ADNP2: variants seen among roughly 807,000 people sequenced by gnomAD.
The protein encoded by ADNP2 is activity-dependent neuroprotector homeobox protein 2.
Under a neutral mutation model 16.4 loss-of-function variants are expected in ADNP2, and 8 were observed. That is an observed-to-expected ratio of 0.49 (90% CI 0.29 to 0.88). The LOEUF is 0.88. Ranked by LOEUF, ADNP2 falls within the 40% of genes least tolerant of loss-of-function variation. ADNP2 has a pLI of 0.09. For synonymous variants in ADNP2, 637 were observed against 545.8 expected, an observed-to-expected ratio of 1.17 and a Z score of -2.33; for missense variants, 1,397 against 1,395.1, an observed-to-expected ratio of 1.00 and a Z score of -0.02.
chr18:80,119,414 A>T (rs2052410072), intron 2 of ADNP2, among the ~76,000 whole-genome samples: 1 of 24,596 alleles, frequency 4.1e-5, no homozygotes, highest in Non-Finnish European at 1.7e-4. Flanking sequence ...ACTCCGTCTC[A>T]AAAAAAAAAA....
intron 1 of ADNP2, among the ~76,000 whole-genome samples, chr18:80,114,166 C>T (rs978471631): frequency 6.8e-6 from 1 of 147,256 alleles, no homozygotes; most frequent in African/African-American, 2.5e-5. Context: ...ATACTCCAGC[C>T]TGGGTGAAGG....
At chr18:80,129,095 CTTTTTTTTTGT>C (rs149607713) in intron 2 of ADNP2, among the ~76,000 whole-genome samples, 21,691 of 132,102 alleles carry the variant, frequency 0.16, 2,307 homozygotes, top group East Asian at 0.47. Flanking sequence ...TTACCCAGAA[CTTTTTTTTTGT>C]TTTTTTTTTT....
Position 80,138,785 on chromosome 18 carries a change from ATTGAACT to A in ADNP2, c.3378_3384del (p.Phe1127MetfsTer12). 6.4e-7 allele frequency: 1 copy of A among 1,551,102 alleles called. No individual in the cohort carries two copies. The highest frequency in any genetic ancestry group is 8.7e-7 in the Non-Finnish European group (1 of 1,155,368). ...CTGAACTTAAAAATGTGAAACATAG[ATTGAACT>A]TTGAATATGAACCATAAAACTTGCA... On this transcript the variant is annotated frameshift_variant, in exon 4 of 4. Coordinates refer to ENST00000262198, the MANE Select transcript of ADNP2 (RefSeq NM_014913.4). LOFTEE classifies it high-confidence loss of function.
intron 2 of ADNP2, among the ~76,000 whole-genome samples, chr18:80,125,360 T>C (rs1395718686): frequency 6.6e-6 from 1 of 151,912 alleles, no homozygotes; most frequent in Non-Finnish European, 1.5e-5. Flanking sequence ...AAATAATAAA[T>C]AGGCCGGGGG....
chr18:80,121,659 G>T (rs2052425672), intron 2 of ADNP2, among the ~76,000 whole-genome samples: 1 of 152,108 alleles, frequency 6.6e-6, no homozygotes, highest in Non-Finnish European at 1.5e-5. Flanking sequence ...GAGTTTTATG[G>T]TTGTAGTTCT....
intron 2 of ADNP2, among the ~76,000 whole-genome samples, chr18:80,121,254 G>C (rs2052423095): frequency 6.6e-6 from 1 of 151,864 alleles, no homozygotes; most frequent in Non-Finnish European, 1.5e-5. Context: ...GTGTAAAGTG[G>C]AATCTCATGG....
chr18:80,114,140 C>T, intron 1 of ADNP2, among the ~76,000 whole-genome samples: 1 of 149,424 alleles, frequency 6.7e-6, no homozygotes, highest in Non-Finnish European at 1.5e-5. Context: ...CTGCAGTGAG[C>T]TGTAATCAAG....
intron 1 of ADNP2, 197 bp downstream of exon 1, chr18:80,109,669 C>G (rs2052344116): frequency 6.7e-6 from 1 of 149,992 alleles, no homozygotes; most frequent in South Asian, 2.0e-4. Flanking sequence ...GTTCGCGGCC[C>G]GAACGGCGCC....
intron 2 of ADNP2, among the ~76,000 whole-genome samples, chr18:80,118,241 A>G (rs2052401935): frequency 6.6e-6 from 1 of 152,164 alleles, no homozygotes; most frequent in Non-Finnish European, 1.5e-5. Flanking sequence ...CCTGGCCAAC[A>G]ACATGGTGAA....
intron 1 of ADNP2, among the ~76,000 whole-genome samples, chr18:80,115,148 T>G (rs982163862): frequency 1.3e-5 from 2 of 152,192 alleles, no homozygotes; most frequent in African/African-American, 4.8e-5. Flanking sequence ...ATTGTGTGTT[T>G]GGAAAATTCA....
chr18:80,122,789 T>TACAAAAA (rs2052432967), intron 2 of ADNP2, among the ~76,000 whole-genome samples: 2 of 152,356 alleles, frequency 1.3e-5, no homozygotes, highest in African/African-American at 4.8e-5. Context: ...TATTTTTCAG[T>TACAAAAA]TACGATGCCT....
At chr18:80,112,542 A>G (rs183314745) in intron 1 of ADNP2, among the ~76,000 whole-genome samples, 22 of 152,200 alleles carry the variant, frequency 1.4e-4, no homozygotes, top group African/African-American at 5.3e-4. Context: ...CGATGAAGGA[A>G]TGGAAGCACT....
In ADNP2 at chr18:80,136,692, C is replaced by T. The variant is rs766046056; in HGVS notation, c.1279C>T (p.Pro427Ser). ...TCTTCCTGTGAGCCCCTCTGTCACC[C>T]CTGGGGTCCTGCAGGCTGTCTCGCC... is the stretch of plus-strand genomic sequence containing the variant. ...GVLPVSPSVT[P>S]GVLQAVSPGV... Residue 427 changes from proline to serine, a missense_variant, in exon 4 of 4, where the codon CCT (proline) becomes TCT (serine). Pro to Ser is a moderately conservative substitution (Grantham distance 74). Transcript: ENST00000262198. The T allele has an allele frequency of 2.5e-6, 4 of 1,613,224 alleles. No homozygotes were observed. Among genetic ancestry groups the T allele is most frequent in the African/African-American group, 1.3e-5 (1 of 74,916 alleles).
Position 80,136,691 on chromosome 18 carries a change from C to T in ADNP2, c.1278C>T (p.Thr426=). 2.5e-6 allele frequency: 4 copies of T among 1,613,300 alleles called. No individual in the cohort carries two copies. The highest frequency in any genetic ancestry group is 3.4e-6 in the Non-Finnish European group (4 of 1,179,570). ...TTCTTCCTGTGAGCCCCTCTGTCAC[C>T]CCTGGGGTCCTGCAGGCTGTCTCGC... ...PGVLPVSPSV[T]PGVLQAVSPG... Residue 426 remains threonine, a synonymous_variant, in exon 4 of 4, where the codon ACC becomes ACT. Transcript: ENST00000262198.
chr18:80,131,350 A>T (rs1025080579), intron 2 of ADNP2, among the ~76,000 whole-genome samples: 3 of 152,228 alleles, frequency 2.0e-5, no homozygotes, highest in Non-Finnish European at 2.9e-5. Flanking sequence ...GGTCTTTTGC[A>T]TAATTTTCTC....
Position 80,136,619 on chromosome 18 carries a change from C to A in ADNP2, c.1206C>A (p.Pro402=), listed in dbSNP as rs758856926. The change falls in exon 4 of 4, where the codon CCC becomes CCA. Residue 402 remains proline (P), a synonymous_variant. Coordinates refer to ENST00000262198, the MANE Select transcript of ADNP2 (RefSeq NM_014913.4). ...AGACTGTTCGCCCTGGGGTTTTACC[C>A]CTCACCCAGCCTGTGGGACCCATAA... ...INQTVRPGVL[P]LTQPVGPINR... 6.2e-7 allele frequency: 1 copy of A among 1,614,184 alleles called. No individual in the cohort carries two copies.
chr18:80,123,196 G>C (rs904381663), intron 2 of ADNP2, among the ~76,000 whole-genome samples: 1 of 152,048 alleles, frequency 6.6e-6, no homozygotes, highest in African/African-American at 2.4e-5. Flanking sequence ...GTGTATAATT[G>C]TTTTAATACA....
Position 80,136,358 on chromosome 18 carries a change from C to T in ADNP2, c.945C>T (p.Ala315=). 6.2e-7 allele frequency: 1 copy of T among 1,614,232 alleles called. No individual in the cohort carries two copies. Among genetic ancestry groups the T allele is most frequent in the Non-Finnish European group, 8.5e-7 (1 of 1,180,036 alleles). Residue 315 remains alanine, a synonymous_variant, in exon 4 of 4, where the codon GCC becomes GCT. Coordinates refer to ENST00000262198, the MANE Select transcript of ADNP2 (RefSeq NM_014913.4). ...AGQPVTVAQG[A]PGSLTHSPPA... ...AGCCAGTGACTGTGGCCCAGGGTGC[C>T]CCTGGAAGCCTCACTCATTCCCCCC...
At chr18:80,125,324 G>A (rs965266998) in intron 2 of ADNP2, among the ~76,000 whole-genome samples, 4 of 151,998 alleles carry the variant, frequency 2.6e-5, no homozygotes, top group African/African-American at 9.7e-5. Flanking sequence ...GACCAGCCGG[G>A]ACAACATAGC....
Sources: allele counts gnomAD v4.1 joint callset (sites outside exome capture counted in the v4.1 genomes callset), GRCh38; gene constraint gnomAD v4.1.1; transcripts MANE v1.5; gene names NCBI Gene and HGNC (gene_info 2026-07-23, HGNC 2026-07-21).